The following GPR55 variants were observed in gnomAD, a reference collection of about 807,000 sequenced individuals.
GPR55 encodes G protein-coupled receptor 55.
In GPR55, 6 loss-of-function variants were observed where a neutral mutation model predicts 7.9. That is an observed-to-expected ratio of 0.76 (90% confidence interval 0.41 to 1.49). The LOEUF (loss-of-function observed/expected upper bound fraction) is 1.49, where lower values mean the gene tolerates loss of function less well. GPR55 is among the 40% of genes most tolerant of loss of function. The pLI, the probability that GPR55 is intolerant of heterozygous loss-of-function variation, is 0.01. For missense variants in GPR55, 376 were observed against 406.0 expected (o/e 0.93, Z 0.63); for synonymous variants, 183 against 166.8 (o/e 1.10, Z -0.75).
intron 1 of GPR55, among the ~76,000 whole-genome samples, chr2:230,917,949 C>T (rs975749787): frequency 1.3e-5 from 2 of 151,370 alleles, no homozygotes; most frequent in Admixed American, 6.6e-5. Flanking sequence ...AAAAAATTCA[C>T]AGGATACAGC....
Position 230,908,726 on chromosome 2 carries a change from C to T in GPR55, c.*1277G>A, listed in dbSNP as rs894503910. 2.0e-5 allele frequency: 3 copies of T among 152,584 alleles called. No individual in the cohort carries two copies. The highest frequency in any genetic ancestry group is 2.9e-5 in the Non-Finnish European group (2 of 68,166). 9.5% of individuals were successfully genotyped at this position (152,584 alleles called of 1,614,324 possible). ...ACTCGCTCTGTCATGCAAAACCACC[C>T]CACAATGGATCCTTCTCATCATTTC... On this transcript the variant is annotated 3_prime_UTR_variant, in exon 2 of 2. Coordinates refer to ENST00000650999, the MANE Select transcript of GPR55 (RefSeq NM_005683.4).
intron 1 of GPR55, among the ~76,000 whole-genome samples, chr2:230,949,410 C>T (rs60607884): frequency 0.089 from 13,557 of 152,222 alleles, 890 homozygotes; most frequent in African/African-American, 0.18. Flanking sequence ...GATCTGCCCG[C>T]GTTGGCCTCC....
rs13421477 is a variant in GPR55, at chr2:230,908,971, C to G, written c.*1032G>C. The G allele has an allele frequency of 1.3e-5, 2 of 152,308 alleles. No homozygotes were observed. Among genetic ancestry groups the G allele is most frequent in the Non-Finnish European group, 1.5e-5 (1 of 68,118 alleles). The allele number at this position is 152,308 out of a possible 1,614,324, so 9.4% of individuals were successfully genotyped here. On this transcript the variant is annotated 3_prime_UTR_variant, in exon 2 of 2. Coordinates refer to ENST00000650999, the MANE Select transcript of GPR55 (RefSeq NM_005683.4). ...AGGGACGGCTCCATGGGCAGTGCCA[C>G]GGGTGCCAGCTGCCCAGCCAGGATG...
chr2:230,909,448 T>C lies in GPR55; in HGVS notation c.*555A>G, dbSNP rs1342286672. ...TGCCCAGCCCCAACACCACCCCTTC[T>C]TGCTGTCATCTCAGTGAGGCTTTTG... is the stretch of plus-strand genomic sequence containing the variant. On this transcript the variant is annotated 3_prime_UTR_variant, in exon 2 of 2. Coordinates refer to ENST00000650999, the MANE Select transcript of GPR55 (RefSeq NM_005683.4). The C allele has an allele frequency of 6.5e-6, 1 of 153,762 alleles. No individual in the cohort carries two copies. The highest frequency in any genetic ancestry group is 1.4e-5 in the Non-Finnish European group (1 of 69,152). The allele number at this position is 153,762 out of a possible 1,614,324, so 9.5% of individuals were successfully genotyped here.
intron 1 of GPR55, among the ~76,000 whole-genome samples, chr2:230,935,349 C>T (rs144614501): frequency 8.1e-4 from 124 of 152,310 alleles, no homozygotes; most frequent in African/African-American, 2.8e-3. Context: ...GCCCAGGAAG[C>T]GAAGGCTGAC....
chr2:230,944,891 G>A lies in GPR55; in HGVS notation c.-135+15884C>T, dbSNP rs755779566. ...TCTTGATGCCCTGCAAATACCAGGC[G>A]CTGCGCTAGGCCCTGCAGATGCGAC... On this transcript the variant is annotated intron_variant, in intron 1 of 1. Transcript: ENST00000392039. The surrounding 1 kb of genome is among the most constrained non-coding windows in gnomAD (Gnocchi z 4.2). Among the ~76,000 whole-genome samples, 1 of 152,164 alleles carries A rather than the reference G, an allele frequency of 6.6e-6. No homozygotes were observed. Among genetic ancestry groups the A allele is most frequent in the Non-Finnish European group, 1.5e-5 (1 of 68,032 alleles).
intron 1 of GPR55, among the ~76,000 whole-genome samples, chr2:230,947,554 A>G (rs1691338655): frequency 6.8e-6 from 1 of 146,394 alleles, no homozygotes; most frequent in Non-Finnish European, 1.5e-5. Context: ...CTCAGGCTAG[A>G]GTGCAGTAGC....
chr2:230,944,957 C>A lies in GPR55; in HGVS notation c.-135+15818G>T, dbSNP rs1160122810. Among the ~76,000 whole-genome samples, 1 of 152,176 alleles carries A rather than the reference C, an allele frequency of 6.6e-6. No homozygotes were observed. The highest frequency in any genetic ancestry group is 1.5e-5 in the Non-Finnish European group (1 of 68,040). ...TGTCCCAGCCACCCACACTCGCTGC[C>A]GGGGGAAGAACCAGGTAAGGTTCCC... is the stretch of plus-strand genomic sequence containing the variant. On this transcript the variant is annotated intron_variant, in intron 1 of 1. Coordinates refer to the GPR55 transcript ENST00000392039. This position sits in a 1 kb window ranked among gnomAD's most constrained non-coding sequence, Gnocchi z 4.2.
At chr2:230,920,962 A>G (rs539014702) in intron 1 of GPR55, among the ~76,000 whole-genome samples, 16 of 152,236 alleles carry the variant, frequency 1.1e-4, no homozygotes, top group Non-Finnish European at 2.4e-4. Context: ...ACACTAAGAA[A>G]ATGAAAAGAC....
chr2:230,934,439 G>A (rs980737993), intron 1 of GPR55, among the ~76,000 whole-genome samples: 2 of 152,216 alleles, frequency 1.3e-5, no homozygotes, highest in African/African-American at 2.4e-5. Context: ...GACCACCTCT[G>A]TGAACAGCAC....
rs888873336 is a variant in GPR55 at position 230,924,442 on chromosome 2, T to A, written c.-135+726A>T. 5 of 152,232 alleles carry A rather than the reference T, an allele frequency of 3.3e-5. No homozygotes were observed. The highest frequency in any genetic ancestry group is 2.6e-4 in the Admixed American group (4 of 15,282). 9.4% of individuals were successfully genotyped at this position (152,232 alleles called of 1,614,324 possible). ...CTCACTCTCAGGGAAGAATCTAGAA[T>A]GTTCAGGGTTCTAAGTGCTGCTGTG... is the stretch of plus-strand genomic sequence containing the variant. On this transcript the variant is annotated intron_variant, in intron 1 of 1. Transcript: ENST00000650999. The surrounding 1 kb of genome is among the most constrained non-coding windows in gnomAD (Gnocchi z 4.5).
intron 1 of GPR55, among the ~76,000 whole-genome samples, chr2:230,956,391 TC>T (rs1403061136): frequency 6.6e-6 from 1 of 151,960 alleles, no homozygotes; most frequent in African/African-American, 2.4e-5. Flanking sequence ...GGTCTCAAAC[TC>T]CTGACCTCAA....
At chr2:230,934,489 C>G (rs1050853781) in intron 1 of GPR55, among the ~76,000 whole-genome samples, 2 of 152,218 alleles carry the variant, frequency 1.3e-5, no homozygotes, top group African/African-American at 4.8e-5. Context: ...CTCTTGGTCC[C>G]AGGGGAAGGA....
At chr2:230,957,634 G>A (rs960914604) in intron 1 of GPR55, 11 of 493,116 alleles carry the variant, frequency 2.2e-5, no homozygotes, top group Non-Finnish European at 4.5e-5. Context: ...CGAAGGGGAA[G>A]CTCTTTAAGC....
At chr2:230,933,892 T>C (rs953118766) in intron 1 of GPR55, among the ~76,000 whole-genome samples, 1 of 152,118 alleles carries the variant, frequency 6.6e-6, no homozygotes, top group Non-Finnish European at 1.5e-5. Context: ...CATTACCAGG[T>C]CTTCCCCAAG....
upstream of GPR55, among the ~76,000 whole-genome samples, chr2:230,925,391 A>G (rs1226352670): frequency 6.6e-6 from 1 of 152,146 alleles, no homozygotes. Context: ...GTGTGGAACT[A>G]GAGTGTGGAC....
At chr2:230,915,791 G>C (rs1690697883) in intron 1 of GPR55, among the ~76,000 whole-genome samples, 1 of 152,168 alleles carries the variant, frequency 6.6e-6, no homozygotes, top group Admixed American at 6.5e-5. Flanking sequence ...GAAGAGGTTT[G>C]AGGGAGAAGA....
chr2:230,910,039 C>G lies in GPR55; in HGVS notation c.924G>C (p.Gln308His). 6.2e-7 allele frequency: 1 copy of G among 1,614,050 alleles called. No individual in the cohort carries two copies. ...AGATCGTGGTGTCCTGCAGGACCAG[C>G]TGGACCCTGGAAGGCCGGTGGGCCC... The part of the protein sequence containing the change: ...NIRAHRPSRV[Q>H]LVLQDTTISR... The change falls in exon 2 of 2, where the codon CAG (glutamine) becomes CAC (histidine). Residue 308 changes from glutamine (Q) to histidine (H), a missense_variant. Coordinates refer to ENST00000650999, the MANE Select transcript of GPR55 (RefSeq NM_005683.4). The surrounding 1 kb of genome is among the most constrained non-coding windows in gnomAD (Gnocchi z 5.4).
intron 1 of GPR55, among the ~76,000 whole-genome samples, chr2:230,952,719 G>A (rs1047430728): frequency 6.6e-6 from 1 of 152,148 alleles, no homozygotes; most frequent in Non-Finnish European, 1.5e-5. Flanking sequence ...CAGCTGAAAT[G>A]GCCCACGGCC....
Sources: allele counts gnomAD v4.1 joint callset (sites outside exome capture counted in the v4.1 genomes callset), GRCh38; gene constraint gnomAD v4.1.1; non-coding constraint Gnocchi (gnomAD v3.1); transcripts MANE v1.5; gene names NCBI Gene and HGNC (gene_info 2026-07-23, HGNC 2026-07-21).